Variants in TTC28 observed in about 807,000 individuals in gnomAD.
TTC28 encodes the protein tetratricopeptide repeat domain 28.
Under a neutral mutation model 198.0 loss-of-function variants are expected in TTC28, and 61 were observed. The observed-to-expected ratio is 0.31, with a 90% CI of 0.25 to 0.38. TTC28 has a LOEUF of 0.38. TTC28 is among the 10% of genes least tolerant of loss of function. TTC28 has a pLI of 1.00. For missense variants in TTC28, 2,678 were observed against 3,164.0 expected, an observed-to-expected ratio of 0.85 and a Z score of 3.69; for synonymous variants, 1,171 against 1,297.8, an observed-to-expected ratio of 0.90 and a Z score of 2.10.
At chr22:28,648,542 C>T (rs2051513905) in intron 1 of TTC28, among the ~76,000 whole-genome samples, 1 of 152,204 alleles carries the variant, frequency 6.6e-6, no homozygotes, top group African/African-American at 2.4e-5. Context: ...CACATGCATG[C>T]ATATGTTTAT....
rs148951593 is a variant in TTC28 at position 28,254,671 on chromosome 22, A to G, written c.933+41527T>C. On this transcript the variant is annotated intron_variant, in intron 5 of 22. Transcript: ENST00000397906. ...TCCCACTAAAACACATATTAATGTCAGATATAACAGCATGTTAAAATCCCT... is the reference window on the plus strand; with the variant it reads ...TCCCACTAAAACACATATTAATGTCGGATATAACAGCATGTTAAAATCCCT... Among the ~76,000 whole-genome samples the G allele has an allele frequency of 3.1e-3, 476 of 152,324 alleles. 2 individuals are homozygous for G. Among genetic ancestry groups the G allele is most frequent in the Non-Finnish European group, 4.0e-3 (275 of 68,018 alleles).
intron 5 of TTC28, among the ~76,000 whole-genome samples, chr22:28,202,984 T>A (rs77916783): frequency 0.016 from 2,385 of 152,278 alleles, 48 homozygotes; most frequent in East Asian, 0.072. Context: ...TGTTTACCAC[T>A]TTTATGAACA....
chr22:28,640,956 A>C (rs557314225), intron 1 of TTC28, among the ~76,000 whole-genome samples: 51 of 152,244 alleles, frequency 3.3e-4, no homozygotes, highest in Non-Finnish European at 7.1e-4. Flanking sequence ...AAGTGGAAAC[A>C]ACCAAAATAT....
In TTC28 at chr22:28,390,914, A is replaced by T. The variant is rs1787124439; in HGVS notation, c.382-84271T>A. On this transcript the variant is annotated intron_variant, in intron 2 of 22. Transcript: ENST00000397906. ...ATGCTAGCTGGTTATTTTGCTGGTT[A>T]GTTGATGCAGTTTCTTCCTAGCCTC... Among the ~76,000 whole-genome samples, 3 of 152,140 alleles carry T rather than the reference A, an allele frequency of 2.0e-5. No individual in the cohort carries two copies. The South Asian group carries it at 6.2e-4, about 32-fold the overall frequency.
chr22:28,546,266 T>C (rs2049538725), intron 2 of TTC28, among the ~76,000 whole-genome samples: 2 of 152,182 alleles, frequency 1.3e-5, no homozygotes, highest in Non-Finnish European at 1.5e-5. Context: ...CCCAACATGG[T>C]GAGACCCCGT....
intron 2 of TTC28, among the ~76,000 whole-genome samples, chr22:28,308,579 A>G (rs1006254936): frequency 1.3e-5 from 2 of 152,122 alleles, no homozygotes; most frequent in Non-Finnish European, 2.9e-5. Context: ...AAAGCACTGA[A>G]AAGTATGATT....
intron 2 of TTC28, among the ~76,000 whole-genome samples, chr22:28,537,847 A>G (rs2049329294): frequency 6.6e-6 from 1 of 152,164 alleles, no homozygotes; most frequent in Non-Finnish European, 1.5e-5. Flanking sequence ...AGAAATTAAG[A>G]CAAAGAAGCT....
At chr22:28,503,904 A>G (rs2048569040) in intron 2 of TTC28, among the ~76,000 whole-genome samples, 1 of 152,266 alleles carries the variant, frequency 6.6e-6, no homozygotes, top group Non-Finnish European at 1.5e-5. Flanking sequence ...TGCTTCAGAA[A>G]AAAGTATTTC....
intron 5 of TTC28, among the ~76,000 whole-genome samples, chr22:28,174,020 A>G (rs190797990): frequency 2.0e-4 from 31 of 152,318 alleles, no homozygotes; most frequent in African/African-American, 7.2e-4. Flanking sequence ...TTTACTGCTC[A>G]AATCTACATG....
chr22:28,452,245 C>A (rs998909082), intron 2 of TTC28, among the ~76,000 whole-genome samples: 1 of 151,870 alleles, frequency 6.6e-6, no homozygotes, highest in African/African-American at 2.4e-5. Context: ...AAAAAATTAG[C>A]TGGGCATGGT....
At chr22:28,640,916 A>C (rs1330736849) in intron 1 of TTC28, among the ~76,000 whole-genome samples, 1 of 152,204 alleles carries the variant, frequency 6.6e-6, no homozygotes, top group African/African-American at 2.4e-5. Flanking sequence ...CTAGTGCACA[A>C]ATTTTCATAG....
At chr22:28,246,188 G>T (rs1287536827) in intron 5 of TTC28, among the ~76,000 whole-genome samples, 1 of 152,166 alleles carries the variant, frequency 6.6e-6, no homozygotes, top group African/African-American at 2.4e-5. Flanking sequence ...AAAGAACATA[G>T]CATTTGTACA....
At chr22:28,072,457 T>A (rs1941027322) in intron 12 of TTC28, among the ~76,000 whole-genome samples, 1 of 152,184 alleles carries the variant, frequency 6.6e-6, no homozygotes, top group Non-Finnish European at 1.5e-5. Flanking sequence ...TGTCCATCTG[T>A]ATTATTGAAC....
chr22:28,143,057 T>A (rs34189918), intron 6 of TTC28, among the ~76,000 whole-genome samples: 6,663 of 152,230 alleles, frequency 0.044, 193 homozygotes, highest in South Asian at 0.055. Context: ...GAGAAAGAGA[T>A]CTGTGTCACA....
chr22:28,092,167 C>G (rs1052223402), intron 12 of TTC28, among the ~76,000 whole-genome samples: 1 of 152,180 alleles, frequency 6.6e-6, no homozygotes, highest in African/African-American at 2.4e-5. Context: ...ACCTGGCATT[C>G]TAGTTTGTAC....
chr22:28,511,646 C>T (rs933458946), intron 2 of TTC28, among the ~76,000 whole-genome samples: 4 of 151,882 alleles, frequency 2.6e-5, no homozygotes, highest in South Asian at 2.1e-4. Context: ...GGTGAAACCC[C>T]GTCTCTACTA....
intron 2 of TTC28, among the ~76,000 whole-genome samples, chr22:28,364,704 G>C (rs1359882914): frequency 1.3e-5 from 2 of 152,212 alleles, no homozygotes; most frequent in Non-Finnish European, 2.9e-5. Flanking sequence ...ATTAACTGCA[G>C]ATGTGTTGGA....
At chr22:28,232,310 A>G (rs1304535308) in intron 5 of TTC28, among the ~76,000 whole-genome samples, 1 of 152,252 alleles carries the variant, frequency 6.6e-6, no homozygotes, top group Admixed American at 6.5e-5. Context: ...TTTAATAAAT[A>G]TTAAAAGAAT....
chr22:28,569,500 T>G (rs778230771), intron 2 of TTC28, among the ~76,000 whole-genome samples: 3 of 152,082 alleles, frequency 2.0e-5, no homozygotes, highest in Non-Finnish European at 4.4e-5. Context: ...AACTGGCTAG[T>G]CATATGCAGA....
Sources: gnomAD v4.1 joint callset for allele counts (sites outside exome capture counted in the v4.1 genomes callset) on GRCh38, gnomAD v4.1.1 for gene constraint, MANE v1.5 for transcripts, NCBI Gene and HGNC (gene_info 2026-07-23, HGNC 2026-07-21) for gene names.